ZNF558: variants seen among roughly 807,000 people sequenced by gnomAD.
ZNF558 encodes the protein zinc finger protein 558.
ZNF558 carries 23 observed loss-of-function variants against 37.6 expected under a neutral mutation model. The ratio of observed to expected loss-of-function variants is 0.61; its 90% CI spans 0.44 to 0.87. The LOEUF is 0.87. ZNF558 is among the 40% of genes least tolerant of loss of function. The pLI is 0.00. For missense variants in ZNF558, 429 were observed against 483.7 expected (o/e 0.89, Z 1.06); for synonymous variants, 189 against 174.4 (o/e 1.08, Z -0.66).
upstream of ZNF558, among the ~76,000 whole-genome samples, chr19:8,834,732 G>A (rs1453526747): frequency 2.0e-5 from 3 of 149,730 alleles, no homozygotes; most frequent in Admixed American, 6.6e-5. Context: ...GCTCAAAATA[G>A]ATCATAGACC....
chr19:8,832,878 G>A (rs946191846), upstream of ZNF558, among the ~76,000 whole-genome samples: 14 of 152,236 alleles, frequency 9.2e-5, no homozygotes, highest in Admixed American at 9.1e-4. Context: ...TAAGCTCCGG[G>A]CCGGGCGGAG....
At chr19:8,832,552 C>A (rs997947997), upstream of ZNF558, 8 of 152,850 alleles carry the variant, frequency 5.2e-5, no homozygotes, top group Admixed American at 2.0e-4. Flanking sequence ...CGGGGCCAGG[C>A]TGTGAGCCGC....
At chr19:8,838,003 C>A in the ZNF558 span, among the ~76,000 whole-genome samples, 1 of 151,862 alleles carries the variant, frequency 6.6e-6, no homozygotes, top group Non-Finnish European at 1.5e-5. Context: ...AATCCCAGCA[C>A]TTTGGGAGGC....
At chr19:8,836,441 T>C (rs542990228), upstream of ZNF558, among the ~76,000 whole-genome samples, 11 of 150,092 alleles carry the variant, frequency 7.3e-5, no homozygotes, top group Admixed American at 2.0e-4. Flanking sequence ...TCCTCCTCCT[T>C]CTTCTCTTCC....
At chr19:8,820,464 A>G (rs144330754) in intron 7 of ZNF558, among the ~76,000 whole-genome samples, 135 of 152,338 alleles carry the variant, frequency 8.9e-4, no homozygotes, top group African/African-American at 3.1e-3. Flanking sequence ...CTGGTACAAC[A>G]TACAACATAG....
intron 7 of ZNF558, among the ~76,000 whole-genome samples, chr19:8,819,546 G>T (rs2044028996): frequency 6.6e-6 from 1 of 152,162 alleles, no homozygotes; most frequent in Admixed American, 6.5e-5. Flanking sequence ...AAAGAATAGA[G>T]AAATCATTTA....
At chr19:8,819,889 C>T (rs771818923) in intron 7 of ZNF558, among the ~76,000 whole-genome samples, 5 of 152,066 alleles carry the variant, frequency 3.3e-5, no homozygotes, top group Admixed American at 6.6e-5. Flanking sequence ...TGCAGTGAGC[C>T]GAGATCGTGC....
rs546041543 is a variant in ZNF558, at chr19:8,824,675, G to C, written c.-401-258C>G. The stretch of plus-strand genomic sequence containing the variant: ...CCTGCCTTCTCCGCAGGGCTTGCTG[G>C]GCAGTTCTGGCCTGGGGTCCACCCT... On this transcript the variant is annotated intron_variant, in intron 3 of 9. Transcript: ENST00000601372. 3.9e-5 allele frequency among the ~76,000 whole-genome samples: 6 copies of C among 152,176 alleles called. No individual in the cohort carries two copies. In the South Asian group the frequency reaches 1.2e-3, roughly 32 times the overall value.
intron 2 of ZNF558, among the ~76,000 whole-genome samples, chr19:8,828,814 T>A (rs2044287325): frequency 6.6e-6 from 1 of 151,450 alleles, no homozygotes; most frequent in Non-Finnish European, 1.5e-5. Flanking sequence ...ATACAAAAAA[T>A]TTGCCAGGTG....
In ZNF558 at chr19:8,810,865, C is replaced by A; in HGVS notation, c.*416G>T. ...TCCTCTCTTGGATCACTAACCTTGG[C>A]GAGAACTTATTGCCAAATTGTCAAG... On this transcript the variant is annotated 3_prime_UTR_variant, in exon 10 of 10. Transcript: ENST00000601372. The A allele has an allele frequency of 6.1e-6, 1 of 164,440 alleles. No individual in the cohort carries two copies. Among genetic ancestry groups the A allele is most frequent in the South Asian group, 1.6e-4 (1 of 6,076 alleles). The allele number at this position is 164,440 out of a possible 1,614,324, so 10.2% of individuals were successfully genotyped here.
At chr19:8,827,451 C>T (rs796576336) in intron 2 of ZNF558, among the ~76,000 whole-genome samples, 1 of 152,126 alleles carries the variant, frequency 6.6e-6, no homozygotes, top group Non-Finnish European at 1.5e-5. Context: ...AATTGCATCA[C>T]CCTCTGGCCC....
At position 8,812,032 on chromosome 19, in the gene ZNF558, T is replaced by C; in HGVS notation, c.458A>G (p.Glu153Gly). The change falls in exon 10 of 10, where the codon GAA (glutamate) becomes GGA (glycine). Residue 153 changes from glutamate (E) to glycine (G), a missense_variant. By Grantham distance (98) the Glu-to-Gly change is moderately conservative. Coordinates refer to ENST00000601372, the MANE Select transcript of ZNF558 (RefSeq NM_144693.3). ...ERSHRGVKLN[E>G]CNQCFKVFST... ...GAAGACTTTAAAACACTGATTACAT[T>C]CATTGAGTTTCACTCCACGATGACT... is the stretch of plus-strand genomic sequence containing the variant. The C allele has an allele frequency of 1.2e-6, 2 of 1,600,848 alleles. No individual in the cohort carries two copies. Among genetic ancestry groups the C allele is most frequent in the Non-Finnish European group, 1.7e-6 (2 of 1,172,974 alleles).
intron 7 of ZNF558, among the ~76,000 whole-genome samples, chr19:8,817,822 C>T (rs2043977683): frequency 6.6e-6 from 1 of 152,072 alleles, no homozygotes; most frequent in South Asian, 2.1e-4. Context: ...CTAATAAGAA[C>T]TCCAAAATGT....
chr19:8,813,070 C>T, intron 8 of ZNF558, 57 bp downstream of exon 8: 1 of 1,395,616 alleles, frequency 7.2e-7, no homozygotes, highest in Admixed American at 2.0e-5. Context: ...ACTCCCAACC[C>T]CCAAGTCACT....
chr19:8,813,391 C>T (rs1029830061), intron 7 of ZNF558, among the ~76,000 whole-genome samples, 169 bp from the exon 8 acceptor site: 3 of 152,112 alleles, frequency 2.0e-5, no homozygotes, highest in Admixed American at 2.0e-4. Flanking sequence ...TGGAGTCTTG[C>T]TCTGTCGCCC....
upstream of ZNF558, among the ~76,000 whole-genome samples, chr19:8,836,498 T>C (rs1220253335): frequency 6.6e-6 from 1 of 151,720 alleles, no homozygotes; most frequent in Non-Finnish European, 1.5e-5. Context: ...TCTTCTTTTT[T>C]CTTTTTTTTT....
At chr19:8,833,896 G>T (rs1284570773), upstream of ZNF558, among the ~76,000 whole-genome samples, 1 of 152,162 alleles carries the variant, frequency 6.6e-6, no homozygotes, top group African/African-American at 2.4e-5. Context: ...GCTGAGGCAG[G>T]AGAATAGCTT....
Position 8,822,762 on chromosome 19 carries a change from C to A in ZNF558, c.-65-38G>T. 6.3e-7 allele frequency: 1 copy of A among 1,586,330 alleles called. No homozygotes were observed. On this transcript the variant is annotated intron_variant, in intron 4 of 9. Transcript: ENST00000601372. The surrounding 1 kb of genome is among the most constrained non-coding windows in gnomAD (Gnocchi z 4.4). ...GGAATGCTCCAAGTCTCCGTGGCCT[C>A]CTCCCTCTCGGGCTGCTGGGGATGG...
intron 7 of ZNF558, among the ~76,000 whole-genome samples, chr19:8,814,989 G>C (rs1408358956): frequency 6.6e-6 from 1 of 152,080 alleles, no homozygotes; most frequent in African/African-American, 2.4e-5. Flanking sequence ...ACTACAACAA[G>C]TAAAACAAAC....
Sources: gnomAD v4.1 joint callset for allele counts (sites outside exome capture counted in the v4.1 genomes callset) on GRCh38, gnomAD v4.1.1 for gene constraint, Gnocchi (gnomAD v3.1) non-coding constraint, MANE v1.5 for transcripts, NCBI Gene and HGNC (gene_info 2026-07-23, HGNC 2026-07-21) for gene names.